Variants in GREB1 observed in about 807,000 individuals in gnomAD.
The protein encoded by GREB1 is growth regulating estrogen receptor binding 1.
GREB1 carries 106 observed loss-of-function variants against 200.7 expected under a neutral mutation model. The ratio of observed to expected loss-of-function variants is 0.53; its 90% CI spans 0.45 to 0.62. GREB1 has a LOEUF of 0.62. Ranked by LOEUF, GREB1 falls within the 20% of genes least tolerant of loss-of-function variation. The pLI, the probability that GREB1 is intolerant of heterozygous loss-of-function variation, is 0.00. For missense variants in GREB1, 2,243 were observed against 2,556.8 expected (o/e 0.88, Z 2.65); for synonymous variants, 1,132 against 1,092.4 (o/e 1.04, Z -0.72).
chr2:11,573,443 C>T (rs1416198626), intron 4 of GREB1, among the ~76,000 whole-genome samples: 4 of 152,204 alleles, frequency 2.6e-5, no homozygotes, highest in Non-Finnish European at 5.9e-5. Context: ...CTAAGCCTAT[C>T]ATGTAAAGAA....
intron 1 of GREB1, among the ~76,000 whole-genome samples, chr2:11,515,192 T>C (rs1673458743): frequency 6.6e-6 from 1 of 150,990 alleles, no homozygotes; most frequent in Non-Finnish European, 1.5e-5. Context: ...CATCCGTTCA[T>C]GCACGCACCC....
chr2:11,553,571 AT>A (rs368556614), intron 1 of GREB1, among the ~76,000 whole-genome samples: 233 of 140,348 alleles, frequency 1.7e-3, no homozygotes, highest in Middle Eastern at 3.6e-3. Flanking sequence ...CCCCCATTCT[AT>A]TTTTTTTTTT....
chr2:11,484,601 A>G (rs976581048), intron 1 of GREB1, among the ~76,000 whole-genome samples: 2 of 151,314 alleles, frequency 1.3e-5, no homozygotes, highest in African/African-American at 4.9e-5. Context: ...ACAAAAAAAA[A>G]AAAAAAAGAA....
intron 1 of GREB1, among the ~76,000 whole-genome samples, chr2:11,485,273 GTAT>G (rs1672628325): frequency 1.5e-5 from 1 of 66,396 alleles, no homozygotes; most frequent in Admixed American, 2.9e-4. Flanking sequence ...ATATATATAT[GTAT>G]TTTTTTTTTT....
intron 30 of GREB1, among the ~76,000 whole-genome samples, chr2:11,636,585 C>T (rs1685330704): frequency 1.3e-5 from 2 of 152,218 alleles, no homozygotes; most frequent in South Asian, 4.1e-4. Context: ...AGACACATGG[C>T]TAGTTAAGGA....
intron 23 of GREB1, among the ~76,000 whole-genome samples, chr2:11,622,086 A>T (rs185733978): frequency 6.6e-6 from 1 of 150,774 alleles, no homozygotes; most frequent in Non-Finnish European, 1.5e-5. Context: ...CAGAGCACCA[A>T]GACTGTTTTT....
chr2:11,630,196 G>A, intron 26 of GREB1, 87 bp downstream of exon 26: 1 of 1,334,114 alleles, frequency 7.5e-7, no homozygotes, highest in Non-Finnish European at 1.0e-6. Flanking sequence ...TTCCTGTGAG[G>A]GAGTGCAGAC....
chr2:11,550,537 G>T (rs566160179), intron 1 of GREB1, among the ~76,000 whole-genome samples: 3 of 152,332 alleles, frequency 2.0e-5, no homozygotes, highest in African/African-American at 7.2e-5. Context: ...AGGGGAAAGG[G>T]CTGCTCGGGA....
chr2:11,584,781 C>T (rs559906454), intron 7 of GREB1: 153 of 163,184 alleles, frequency 9.4e-4, no homozygotes, highest in Admixed American at 5.7e-4. Flanking sequence ...CAGCCGGGCG[C>T]GGTGGCGCGT....
chr2:11,510,899 C>T (rs947959632), intron 1 of GREB1, among the ~76,000 whole-genome samples: 3 of 152,162 alleles, frequency 2.0e-5, no homozygotes, highest in African/African-American at 7.2e-5. Flanking sequence ...TCTCGAACTC[C>T]TGACCTCAGG....
chr2:11,585,739 C>T, intron 8 of GREB1, 23 bp from the exon 9 acceptor site: 1 of 1,612,018 alleles, frequency 6.2e-7, no homozygotes, highest in East Asian at 2.2e-5. Flanking sequence ...GATGTTTTCA[C>T]TAATATTCTT....
chr2:11,593,144 C>G lies in GREB1; in HGVS notation c.1696+18C>G. On this transcript the variant is annotated intron_variant, in intron 11 of 32. Transcript: ENST00000381486. ...CGTCACCGGTGAGCTCTGGGCCGCG[C>G]GGCTGCGGGAAAGCCCCCTGAACGG... The G allele has an allele frequency of 6.6e-7, 1 of 1,523,160 alleles. No homozygotes were observed. The highest frequency in any genetic ancestry group is 8.9e-7 in the Non-Finnish European group (1 of 1,121,072). 94.4% of individuals were successfully genotyped at this position (1,523,160 alleles called of 1,614,324 possible).
intron 1 of GREB1, among the ~76,000 whole-genome samples, chr2:11,538,402 C>G (rs1674400408): frequency 6.6e-6 from 1 of 152,140 alleles, no homozygotes; most frequent in South Asian, 2.1e-4. Flanking sequence ...GACCTTGAAC[C>G]CTCTGGGTCA....
intron 9 of GREB1, chr2:11,587,488 A>G: frequency 6.2e-7 from 1 of 1,607,132 alleles, no homozygotes; most frequent in South Asian, 1.1e-5. Context: ...TGGAATCAGA[A>G]TCAGGCCCCA....
intron 1 of GREB1, among the ~76,000 whole-genome samples, chr2:11,496,519 G>GC (rs1266185067): frequency 1.3e-4 from 9 of 68,820 alleles, no homozygotes; most frequent in East Asian, 6.5e-4. Flanking sequence ...CACCCCGCCC[G>GC]CCCCCCCGTC....
chr2:11,592,374 A>G (rs1680815301), intron 10 of GREB1, among the ~76,000 whole-genome samples: 1 of 150,382 alleles, frequency 6.6e-6, no homozygotes, highest in South Asian at 2.1e-4. Flanking sequence ...ATTGAACTGC[A>G]GCTTGAGGAC....
chr2:11,593,042 G>A lies in GREB1; in HGVS notation c.1612G>A (p.Glu538Lys), dbSNP rs1162609148. Residue 538 changes from glutamate to lysine, a missense_variant, in exon 11 of 33, where the codon GAG (glutamate) becomes AAG (lysine). Coordinates refer to ENST00000381486, the MANE Select transcript of GREB1 (RefSeq NM_014668.4). The part of the protein sequence containing the change: ...GLSEMFRLLV[E>K]GKLAKTNYVV... ...CTCCGAGATGTTCCGGCTGTTGGTC[G>A]AGGGCAAGCTTGCCAAGACCAACTA... 1 of 1,613,132 alleles carries A rather than the reference G, an allele frequency of 6.2e-7. No homozygotes were observed. Among genetic ancestry groups the A allele is most frequent in the Admixed American group, 1.7e-5 (1 of 59,992 alleles).
chr2:11,635,473 G>C (rs1685238225), intron 30 of GREB1, 68 bp downstream of exon 30: 2 of 1,525,214 alleles, frequency 1.3e-6, no homozygotes, highest in South Asian at 1.3e-5. Context: ...ACACACTGAG[G>C]GTAGGAGCCA....
intron 7 of GREB1, among the ~76,000 whole-genome samples, chr2:11,581,855 T>A (rs1679517772): frequency 6.6e-6 from 1 of 152,162 alleles, no homozygotes; most frequent in Admixed American, 6.5e-5. Context: ...AGGATCTCCC[T>A]GGTGAAAATC....
Sources: gnomAD v4.1 joint callset for allele counts (sites outside exome capture counted in the v4.1 genomes callset) on GRCh38, gnomAD v4.1.1 for gene constraint, MANE v1.5 for transcripts, NCBI Gene and HGNC (gene_info 2026-07-23, HGNC 2026-07-21) for gene names.